The following ARFGEF2 variants were observed in gnomAD, a reference collection of about 807,000 sequenced individuals.
The protein encoded by ARFGEF2 is ARF guanine nucleotide exchange factor 2.
In ARFGEF2, 74 loss-of-function variants were observed where a neutral mutation model predicts 219.9. The ratio of observed to expected loss-of-function variants is 0.34; its 90% confidence interval spans 0.28 to 0.41. The LOEUF (loss-of-function observed/expected upper bound fraction) is 0.41, where lower values mean the gene tolerates loss of function less well. ARFGEF2 is among the 10% of genes least tolerant of loss of function. ARFGEF2 has a pLI of 1.00. For synonymous variants in ARFGEF2, 733 were observed against 799.2 expected (o/e 0.92, Z 1.40); for missense variants, 1,743 against 2,218.3 (o/e 0.79, Z 4.30).
intron 15 of ARFGEF2, 91 bp downstream of exon 15, chr20:48,984,931 A>G: frequency 2.5e-6 from 4 of 1,600,662 alleles, no homozygotes; most frequent in Non-Finnish European, 8.5e-7. Flanking sequence ...TCTGGCCCTA[A>G]GTACATTGTC....
chr20:48,953,437 A>C (rs2091084233), intron 5 of ARFGEF2, 119 bp from the exon 6 acceptor site: 5 of 932,410 alleles, frequency 5.4e-6, no homozygotes, highest in South Asian at 1.3e-5. Flanking sequence ...CAGCCTTCCA[A>C]AGTGCTGAAA....
At chr20:48,986,745 G>T (rs983867223) in intron 16 of ARFGEF2, among the ~76,000 whole-genome samples, 1 of 152,180 alleles carries the variant, frequency 6.6e-6, no homozygotes, top group Non-Finnish European at 1.5e-5. Flanking sequence ...TCTTGCCCAG[G>T]TTGAAGTACA....
intron 36 of ARFGEF2, among the ~76,000 whole-genome samples, chr20:49,025,688 T>C (rs1476396705): frequency 6.6e-6 from 1 of 152,102 alleles, no homozygotes; most frequent in African/African-American, 2.4e-5. Flanking sequence ...AAAAGACAAA[T>C]TGAGGCCGGA....
intron 6 of ARFGEF2, among the ~76,000 whole-genome samples, chr20:48,963,337 G>A (rs1600614934): frequency 6.6e-6 from 1 of 152,112 alleles, no homozygotes; most frequent in Non-Finnish European, 1.5e-5. Flanking sequence ...TTTCATAAAA[G>A]TTTAGTAAAT....
rs767230018 is a variant in ARFGEF2, at chr20:48,989,534, T to G, written c.2686-22T>G. On this transcript the variant is annotated intron_variant, in intron 19 of 38. Transcript: ENST00000371917. ...TCCACGCTAAAACTCTGGATGTTAT[T>G]GAAATCTTCCTTCCATGATAGCTGG... 4.5e-4 allele frequency: 724 copies of G among 1,614,136 alleles called. 2 individuals carry two copies. The highest frequency in any genetic ancestry group is 9.2e-5 in the Non-Finnish European group (109 of 1,180,056).
Position 49,017,542 on chromosome 20 carries a change from A to G in ARFGEF2, c.4501A>G (p.Lys1501Glu), listed in dbSNP as rs1156727593. The G allele has an allele frequency of 4.3e-6, 7 of 1,614,012 alleles. No homozygotes were observed. In the South Asian group the frequency reaches 7.7e-5, roughly 18 times the overall value. The change falls in exon 33 of 39, where the codon AAG becomes GAG. Residue 1501 changes from lysine to glutamate, a missense_variant. Coordinates refer to ENST00000371917, the MANE Select transcript of ARFGEF2 (RefSeq NM_006420.3). ...PVGMEEDSSEKHLDVDLDRQS... is the reference protein window; with the variant it reads ...PVGMEEDSSEEHLDVDLDRQS... ...AGGAATGGAGGAAGATTCATCAGAA[A>G]AGCATTTGGTAGGATTTGGGGTTTT... is the stretch of plus-strand genomic sequence containing the variant.
At chr20:48,965,385 G>A (rs1199715052) in intron 7 of ARFGEF2, among the ~76,000 whole-genome samples, 1 of 152,150 alleles carries the variant, frequency 6.6e-6, no homozygotes, top group Non-Finnish European at 1.5e-5. Context: ...TTCATTAAAT[G>A]ATGAAATCTG....
At chr20:48,987,416 G>A (rs1600635715) in intron 16 of ARFGEF2, among the ~76,000 whole-genome samples, 3 of 152,280 alleles carry the variant, frequency 2.0e-5, no homozygotes, top group Admixed American at 2.0e-4. Context: ...AGGCAAAAAA[G>A]TCAGACTTCA....
chr20:48,988,714 A>T, intron 18 of ARFGEF2, 52 bp downstream of exon 18: 1 of 1,522,672 alleles, frequency 6.6e-7, no homozygotes, highest in South Asian at 1.1e-5. Flanking sequence ...TTAGTGTATC[A>T]GAATGCATGA....
chr20:48,998,602 T>G, intron 25 of ARFGEF2, 97 bp downstream of exon 25: 9 of 1,266,882 alleles, frequency 7.1e-6, no homozygotes, highest in Non-Finnish European at 1.0e-5. Context: ...GCCCTGTTTT[T>G]TAGATGCCTC....
intron 1 of ARFGEF2, 28 bp from the exon 2 acceptor site, chr20:48,941,171 A>G (rs1462748854): frequency 1.9e-6 from 3 of 1,607,166 alleles, no homozygotes; most frequent in South Asian, 1.1e-5. Context: ...GCATTTTCCT[A>G]ATGTGTTTTT....
At chr20:48,960,144 A>C (rs2091137568) in intron 6 of ARFGEF2, among the ~76,000 whole-genome samples, 1 of 152,226 alleles carries the variant, frequency 6.6e-6, no homozygotes, top group South Asian at 2.1e-4. Context: ...GGTATAGCCT[A>C]CTACATACCA....
intron 6 of ARFGEF2, among the ~76,000 whole-genome samples, chr20:48,956,882 G>A (rs2091109164): frequency 6.6e-6 from 1 of 152,136 alleles, no homozygotes; most frequent in Admixed American, 6.5e-5. Flanking sequence ...GCCCAACCAG[G>A]ATCTTTGTTT....
intron 21 of ARFGEF2, among the ~76,000 whole-genome samples, chr20:48,991,468 T>TC (rs1283859193): frequency 6.6e-5 from 10 of 151,844 alleles, no homozygotes; most frequent in Admixed American, 5.9e-4. Flanking sequence ...AGTGCCATTT[T>TC]TTTTTTTTTT....
intron 3 of ARFGEF2, among the ~76,000 whole-genome samples, chr20:48,945,360 T>C (rs2091019182): frequency 6.6e-6 from 1 of 152,170 alleles, no homozygotes; most frequent in African/African-American, 2.4e-5. Context: ...AAACATTTAG[T>C]ATGTGTTCCT....
chr20:49,005,329 A>T (rs1600537383), intron 26 of ARFGEF2, 108 bp downstream of exon 26: 2 of 1,318,368 alleles, frequency 1.5e-6, no homozygotes, highest in East Asian at 4.6e-5. Context: ...TTGTCAGTGG[A>T]AACAAATAGA....
In ARFGEF2 at chr20:48,995,935, C is replaced by G. The variant is rs148315655; in HGVS notation, c.3221+53C>G. ...GAACTACACAGTGGTTTGGTGGCCT[C>G]TCTGTAGTTACTGGACATGAATGAT... On this transcript the variant is annotated intron_variant, in intron 23 of 38. Transcript: ENST00000371917. 2.0e-6 allele frequency: 3 copies of G among 1,482,980 alleles called. No homozygotes were observed. In the African/African-American group the frequency reaches 4.1e-5, roughly 20 times the overall value. The allele number at this position is 1,482,980 out of a possible 1,614,324, so 91.9% of individuals were successfully genotyped here.
Position 49,036,390 on chromosome 20 carries a change from T to G in ARFGEF2, c.*3191T>G, listed in dbSNP as rs1297555924. 2.5e-6 allele frequency: 1 copy of G among 396,412 alleles called. No individual in the cohort carries two copies. The highest frequency in any genetic ancestry group is 4.4e-6 in the Non-Finnish European group (1 of 225,308). 24.6% of individuals were successfully genotyped at this position (396,412 alleles called of 1,614,324 possible). Reference sequence around the variant, plus strand: ...CTCAGTGTTCTAATTTTTAAAAAATTTTATCTGCATATTTGCATCAAATAT... The same window carrying G: ...CTCAGTGTTCTAATTTTTAAAAAATGTTATCTGCATATTTGCATCAAATAT... On this transcript the variant is annotated 3_prime_UTR_variant, in exon 39 of 39. Transcript: ENST00000371917.
intron 26 of ARFGEF2, among the ~76,000 whole-genome samples, chr20:49,008,011 G>A (rs1341593507): frequency 6.6e-6 from 1 of 152,234 alleles, no homozygotes; most frequent in South Asian, 2.1e-4. Flanking sequence ...GATACTGTTG[G>A]TGGAACTGTA....
Sources: gnomAD v4.1 joint callset for allele counts (sites outside exome capture counted in the v4.1 genomes callset) on GRCh38, gnomAD v4.1.1 for gene constraint, MANE v1.5 for transcripts, NCBI Gene and HGNC (gene_info 2026-07-23, HGNC 2026-07-21) for gene names.